The following PCLO variants were observed in gnomAD, a reference collection of about 807,000 sequenced individuals.
PCLO encodes protein piccolo.
PCLO carries 82 observed loss-of-function variants against 427.5 expected under a neutral mutation model. The ratio of observed to expected loss-of-function variants is 0.19; its 90% confidence interval spans 0.16 to 0.23. PCLO has a LOEUF of 0.23. PCLO is among the 10% of genes least tolerant of loss of function. The probability of loss-of-function intolerance (pLI) is 1.00; values close to 1 mark genes in which losing one functional copy is unlikely to be tolerated. For missense variants in PCLO, 6,239 were observed against 6,115.9 expected, an observed-to-expected ratio of 1.02 and a Z score of -0.67; for synonymous variants, 2,357 against 2,155.4, an observed-to-expected ratio of 1.09 and a Z score of -2.59.
intron 22 of PCLO, among the ~76,000 whole-genome samples, chr7:82,795,376 T>C (rs1791203470): frequency 6.6e-6 from 1 of 152,322 alleles, no homozygotes; most frequent in Middle Eastern, 3.4e-3. Flanking sequence ...TAAAACAAGA[T>C]TTTTAATTTT....
chr7:82,867,238 A>G (rs996622178), intron 10 of PCLO, among the ~76,000 whole-genome samples: 3 of 152,180 alleles, frequency 2.0e-5, no homozygotes, highest in African/African-American at 7.2e-5. Flanking sequence ...CTGTCTCTAC[A>G]AAAAATTTAA....
At chr7:83,009,055 A>G (rs1236485318) in intron 3 of PCLO, among the ~76,000 whole-genome samples, 2 of 151,642 alleles carry the variant, frequency 1.3e-5, no homozygotes, top group East Asian at 1.9e-4. Context: ...AATTACCTAA[A>G]CCTTAATTCA....
At chr7:82,797,018 C>A (rs1253429894) in intron 22 of PCLO, among the ~76,000 whole-genome samples, 1 of 151,790 alleles carries the variant, frequency 6.6e-6, no homozygotes, top group Non-Finnish European at 1.5e-5. Flanking sequence ...TTATTGGATG[C>A]TATAATAATA....
chr7:82,840,069 A>G (rs1166298130), intron 14 of PCLO, among the ~76,000 whole-genome samples: 1 of 141,904 alleles, frequency 7.0e-6, no homozygotes. Flanking sequence ...AACACAGTCC[A>G]AAAGAAACAC....
chr7:82,779,730 T>A (rs28714449), intron 22 of PCLO, among the ~76,000 whole-genome samples: 1 of 140,478 alleles, frequency 7.1e-6, no homozygotes, highest in East Asian at 2.3e-4. Context: ...CTATATTTTT[T>A]TTTCTTTCTT....
At chr7:83,067,090 C>G (rs1789688694) in intron 3 of PCLO, among the ~76,000 whole-genome samples, 1 of 152,104 alleles carries the variant, frequency 6.6e-6, no homozygotes, top group Non-Finnish European at 1.5e-5. Flanking sequence ...ATATATGAAA[C>G]AAATTAATTC....
chr7:83,032,103 G>C (rs1788683179), intron 3 of PCLO, among the ~76,000 whole-genome samples: 1 of 152,034 alleles, frequency 6.6e-6, no homozygotes, highest in Non-Finnish European at 1.5e-5. Context: ...CATGCAGTAG[G>C]ACTAAGTTGT....
chr7:83,038,017 ATATATATATATATTTATATATT>A (rs1314481458), intron 3 of PCLO, among the ~76,000 whole-genome samples: 2 of 44,928 alleles, frequency 4.5e-5, no homozygotes, highest in African/African-American at 2.9e-4. Flanking sequence ...ATATATATAT[ATATATATATATATTTATATATT>A]TATATATATA....
chr7:83,095,960 A>T (rs1412401258), intron 3 of PCLO, among the ~76,000 whole-genome samples: 1 of 151,956 alleles, frequency 6.6e-6, no homozygotes, highest in African/African-American at 2.4e-5. Flanking sequence ...CTTACAAATA[A>T]TTTTTTTCTC....
intron 21 of PCLO, among the ~76,000 whole-genome samples, chr7:82,804,777 A>C (rs945030883): frequency 6.6e-6 from 1 of 152,172 alleles, no homozygotes; most frequent in Admixed American, 6.5e-5. Flanking sequence ...AGTGTCACAA[A>C]ATATCACACT....
chr7:83,091,978 A>T (rs1034288640), intron 3 of PCLO, among the ~76,000 whole-genome samples: 3 of 151,774 alleles, frequency 2.0e-5, no homozygotes, highest in Admixed American at 6.6e-5. Flanking sequence ...TCACTTCCAA[A>T]TTTTTTTTTC....
chr7:82,929,952 A>AT (rs1401056221), intron 6 of PCLO, among the ~76,000 whole-genome samples: 1 of 152,162 alleles, frequency 6.6e-6, no homozygotes, highest in Non-Finnish European at 1.5e-5. Context: ...ACAAAGATGA[A>AT]TGACTCTGGT....
intron 10 of PCLO, among the ~76,000 whole-genome samples, chr7:82,872,847 C>A (rs1012827768): frequency 6.6e-6 from 1 of 152,014 alleles, no homozygotes; most frequent in Non-Finnish European, 1.5e-5. Context: ...GATTAATCTC[C>A]AAAACTTCAG....
Position 82,784,880 on chromosome 7 carries a change from T to C in PCLO, c.15007+16638A>G, listed in dbSNP as rs539851260. The stretch of plus-strand genomic sequence containing the variant: ...ATCTAGATAATTTTTTTCTGACAGT[T>C]GCATGGTATTCCATTACCTGCCTAT... On this transcript the variant is annotated intron_variant, in intron 22 of 24. Transcript: ENST00000333891. Among the ~76,000 whole-genome samples the C allele has an allele frequency of 4.6e-5, 7 of 152,280 alleles. No homozygotes were observed. The South Asian group carries it at 1.5e-3, about 32-fold the overall frequency.
rs1417886890 is a variant in PCLO, at chr7:83,155,939, G to C, written c.702C>G (p.Gly234=). The change falls in exon 2 of 25, where the codon GGC becomes GGG. Residue 234 remains glycine, a synonymous_variant. Coordinates refer to ENST00000333891, the MANE Select transcript of PCLO (RefSeq NM_033026.6). The stretch of plus-strand genomic sequence containing the variant: ...GTTGAGAAGATATTGATTTGGGAGT[G>C]CCATCCTGCTGAAGCGGATCCCTAC... ...GPGRDPLQQD[G]TPKSISSQQP... The C allele has an allele frequency of 1.2e-6, 2 of 1,613,780 alleles. No homozygotes were observed. Among genetic ancestry groups the C allele is most frequent in the Middle Eastern group, 1.7e-4 (1 of 6,060 alleles).
chr7:83,129,405 A>G (rs1210253822), intron 3 of PCLO, among the ~76,000 whole-genome samples: 1 of 152,196 alleles, frequency 6.6e-6, no homozygotes, highest in Non-Finnish European at 1.5e-5. Flanking sequence ...CATGGTAATC[A>G]AAAATATAAG....
At chr7:82,782,912 T>C (rs1790904150) in intron 22 of PCLO, among the ~76,000 whole-genome samples, 1 of 152,232 alleles carries the variant, frequency 6.6e-6, no homozygotes, top group Admixed American at 6.5e-5. Flanking sequence ...ATGGTTCTCT[T>C]AAGCTGGAAA....
chr7:82,954,847 T>A lies in PCLO; in HGVS notation c.6106A>T (p.Ile2036Phe). The change falls in exon 5 of 25, where the codon ATC (isoleucine) becomes TTC (phenylalanine). Residue 2036 changes from isoleucine to phenylalanine, a missense_variant. Physicochemically the swap from Ile to Phe is conservative, Grantham distance 21. Coordinates refer to ENST00000333891, the MANE Select transcript of PCLO (RefSeq NM_033026.6). ...QEDIVSSSFIIPESHEIVDLG... is the reference protein window; with the variant it reads ...QEDIVSSSFIFPESHEIVDLG... ...TCCACTATCTCATGGCTTTCTGGGATGATAAAAGAGCTTGAAACAATATCT... is the reference window on the plus strand; with the variant it reads ...TCCACTATCTCATGGCTTTCTGGGAAGATAAAAGAGCTTGAAACAATATCT... The A allele has an allele frequency of 6.2e-7, 1 of 1,613,930 alleles. No individual in the cohort carries two copies.
intron 3 of PCLO, among the ~76,000 whole-genome samples, chr7:83,014,176 C>T (rs1021871793): frequency 6.6e-6 from 1 of 152,128 alleles, no homozygotes; most frequent in Admixed American, 6.6e-5. Context: ...AGGCAAGAGA[C>T]ACACTTGAGA....
Sources: gnomAD v4.1 joint callset for allele counts (sites outside exome capture counted in the v4.1 genomes callset) on GRCh38, gnomAD v4.1.1 for gene constraint, MANE v1.5 for transcripts, NCBI Gene and HGNC (gene_info 2026-07-23, HGNC 2026-07-21) for gene names.